Variants in ZMIZ1 observed in about 807,000 individuals in gnomAD.
ZMIZ1 encodes zinc finger MIZ domain-containing protein 1.
In ZMIZ1, 17 loss-of-function variants were observed where a neutral mutation model predicts 113.9. The ratio of observed to expected loss-of-function variants is 0.15; its 90% CI spans 0.10 to 0.22. The LOEUF is 0.22. Among genes scored for constraint, ZMIZ1 ranks in the 10% least tolerant of loss-of-function variants. The probability of loss-of-function intolerance (pLI) is 1.00; values close to 1 mark genes in which losing one functional copy is unlikely to be tolerated. For missense variants in ZMIZ1, 1,059 were observed against 1,477.8 expected, an observed-to-expected ratio of 0.72 and a Z score of 4.65; for synonymous variants, 607 against 603.1, an observed-to-expected ratio of 1.01 and a Z score of -0.09.
chr10:79,299,108 G>A lies in ZMIZ1; in HGVS notation c.1725G>A (p.Glu575=). Residue 575 remains glutamate, a synonymous_variant, in exon 16 of 25, where the codon GAG becomes GAA. Transcript: ENST00000334512. ...CTGTGCGGGATGGCGTGGTGCTGGA[G>A]CCCTTCCGCCTGGAGCACAACCTGG... ...TFPVRDGVVL[E]PFRLEHNLAV... is the part of the protein sequence containing the mutation. 6.2e-7 allele frequency: 1 copy of A among 1,612,548 alleles called. No homozygotes were observed. Among genetic ancestry groups the A allele is most frequent in the Non-Finnish European group, 8.5e-7 (1 of 1,179,906 alleles).
At chr10:79,104,950 G>GGGGGGTGTGTGTGT (rs1190362797) in intron 1 of ZMIZ1, among the ~76,000 whole-genome samples, 1 of 140,090 alleles carries the variant, frequency 7.1e-6, no homozygotes, top group African/African-American at 2.7e-5. Flanking sequence ...GTTGTTGTGG[G>GGGGGGTGTGTGTGT]GTGTGTGTGT....
chr10:79,139,163 T>C (rs1845151016), intron 2 of ZMIZ1, among the ~76,000 whole-genome samples: 1 of 152,188 alleles, frequency 6.6e-6, no homozygotes, highest in Non-Finnish European at 1.5e-5. Context: ...CTCCGAGTGT[T>C]GGTCAGGGAT....
rs182517127 is a variant in ZMIZ1, at chr10:79,298,780, G to A, written c.1666+200G>A. 1.9e-4 allele frequency among the ~76,000 whole-genome samples: 29 copies of A among 152,344 alleles called. No individual in the cohort carries two copies. The East Asian group carries it at 5.4e-3, about 28-fold the overall frequency. On this transcript the variant is annotated intron_variant, in intron 15 of 24. Transcript: ENST00000334512. ...CTTTCTTACTGCTGCCTGGGCGCCT[G>A]GAGGCTGGGAGGAAAATCTATACGC...
intron 7 of ZMIZ1, among the ~76,000 whole-genome samples, chr10:79,264,363 G>A (rs528055430): frequency 3.9e-5 from 6 of 152,330 alleles, no homozygotes; most frequent in Admixed American, 3.3e-4. Flanking sequence ...GTACCTCTTG[G>A]CCTCAATCTA....
At chr10:79,078,206 A>G (rs1023094396) in intron 1 of ZMIZ1, among the ~76,000 whole-genome samples, 2 of 152,140 alleles carry the variant, frequency 1.3e-5, no homozygotes, top group Non-Finnish European at 2.9e-5. Context: ...TGAGGCTCAT[A>G]ATAACAATAC....
At chr10:79,201,397 C>T (rs1261946915) in intron 4 of ZMIZ1, among the ~76,000 whole-genome samples, 187 bp from the exon 5 acceptor site, 1 of 152,254 alleles carries the variant, frequency 6.6e-6, no homozygotes, top group African/African-American at 2.4e-5. Flanking sequence ...TCACATGTGC[C>T]ACACATGGAA....
At chr10:79,094,319 C>T (rs2077266) in intron 1 of ZMIZ1, among the ~76,000 whole-genome samples, 45,342 of 152,090 alleles carry the variant, frequency 0.3, 6,915 homozygotes, top group African/African-American at 0.32. Flanking sequence ...CCAAGGCGGC[C>T]TCTGCTCTCC....
Position 79,200,749 on chromosome 10 carries a change from T to G in ZMIZ1, c.-49-835T>G, listed in dbSNP as rs979820254. On this transcript the variant is annotated intron_variant, in intron 4 of 24. Coordinates refer to ENST00000334512, the MANE Select transcript of ZMIZ1 (RefSeq NM_020338.4). ...GGAGGGCAAAGTGAAAACAACAGAG[T>G]TGTGAGTGGTTTGTAAATTATGAAC... Among the ~76,000 whole-genome samples the G allele has an allele frequency of 4.6e-5, 7 of 152,078 alleles. No individual in the cohort carries two copies. In the South Asian group the frequency reaches 1.5e-3, roughly 32 times the overall value.
At chr10:79,272,563 A>G (rs1852013895) in intron 7 of ZMIZ1, among the ~76,000 whole-genome samples, 2 of 152,038 alleles carry the variant, frequency 1.3e-5, no homozygotes, top group South Asian at 4.1e-4. Context: ...AGTGGGGGCC[A>G]TGTGCGGTTT....
chr10:79,163,270 A>AGTCAAGC (rs1348589409), intron 4 of ZMIZ1, among the ~76,000 whole-genome samples: 1 of 152,252 alleles, frequency 6.6e-6, no homozygotes, highest in Non-Finnish European at 1.5e-5. Context: ...GGCGAGCCTC[A>AGTCAAGC]GTCAAGCTCC....
intron 7 of ZMIZ1, among the ~76,000 whole-genome samples, chr10:79,274,651 C>T (rs573574298): frequency 6.0e-4 from 92 of 152,330 alleles, no homozygotes; most frequent in South Asian, 1.4e-3. Flanking sequence ...TCACCGGCCT[C>T]GGGGGTGAGG....
In ZMIZ1 at chr10:79,300,823, G is replaced by A. The variant is rs1854248880; in HGVS notation, c.1900G>A (p.Ala634Thr). The A allele has an allele frequency of 3.7e-6, 6 of 1,613,842 alleles. No individual in the cohort carries two copies. Among genetic ancestry groups the A allele is most frequent in the South Asian group, 1.1e-5 (1 of 91,084 alleles). The change falls in exon 17 of 25, where the codon GCC becomes ACC. Residue 634 changes from alanine (A) to threonine (T), a missense_variant. Ala to Thr is a moderately conservative substitution (Grantham distance 58, BLOSUM62 0). Coordinates refer to ENST00000334512, the MANE Select transcript of ZMIZ1 (RefSeq NM_020338.4). ...WPASVQVSVN[A>T]TPLTIERGDN... is the part of the protein sequence containing the mutation. ...CGCCTCGGTGCAGGTCAGCGTGAAC[G>A]CCACGCCCCTCACCATTGAGCGCGG...
At chr10:79,252,205 G>A (rs907105714) in intron 7 of ZMIZ1, among the ~76,000 whole-genome samples, 4 of 152,244 alleles carry the variant, frequency 2.6e-5, no homozygotes, top group African/African-American at 9.6e-5. Context: ...TACCCACCCA[G>A]CCTATGTACC....
intron 11 of ZMIZ1, chr10:79,293,001 C>G (rs916768646): frequency 5.4e-5 from 24 of 442,548 alleles, no homozygotes; most frequent in African/African-American, 3.4e-4. Flanking sequence ...GCTGCAGTCT[C>G]ACTCGGGCTC....
In ZMIZ1 at chr10:79,116,286, G is replaced by A. The variant is rs368294551; in HGVS notation, c.-336-2629G>A. 5.5e-4 allele frequency among the ~76,000 whole-genome samples: 84 copies of A among 152,140 alleles called. No homozygotes were observed. The East Asian group carries it at 0.014, about 25-fold the overall frequency. On this transcript the variant is annotated intron_variant, in intron 1 of 24. Transcript: ENST00000334512. ...ATCACAGTATGGCTGGGGGTGTCTC[G>A]ACCCTGGGGGAAGAGGAGTAGGGGT...
chr10:79,080,895 C>T (rs1428857045), intron 1 of ZMIZ1, among the ~76,000 whole-genome samples: 1 of 152,060 alleles, frequency 6.6e-6, no homozygotes, highest in East Asian at 1.9e-4. Flanking sequence ...GGCAGCTCTG[C>T]TCCACCCGAA....
chr10:79,138,784 A>T (rs1845131894), intron 2 of ZMIZ1, among the ~76,000 whole-genome samples: 1 of 152,232 alleles, frequency 6.6e-6, no homozygotes, highest in African/African-American at 2.4e-5. Context: ...TTTTTGTTTT[A>T]CTAGTTACAA....
chr10:79,247,942 G>T (rs1014180407), intron 7 of ZMIZ1, among the ~76,000 whole-genome samples: 1 of 152,220 alleles, frequency 6.6e-6, no homozygotes, highest in African/African-American at 2.4e-5. Flanking sequence ...CCCTCTGGGG[G>T]CCTGAGTGTC....
intron 4 of ZMIZ1, among the ~76,000 whole-genome samples, chr10:79,198,933 C>T (rs1847951941): frequency 6.6e-6 from 1 of 151,844 alleles, no homozygotes. Context: ...ACTTGGGAAG[C>T]TAAGGCAGGA....
Sources: allele counts gnomAD v4.1 joint callset (sites outside exome capture counted in the v4.1 genomes callset), GRCh38; gene constraint gnomAD v4.1.1; transcripts MANE v1.5; gene names NCBI Gene and HGNC (gene_info 2026-07-23, HGNC 2026-07-21).